RBFOX3: variants seen among roughly 807,000 people sequenced by gnomAD.
The protein encoded by RBFOX3 is RNA binding protein fox-1 homolog 3.
A neutral mutation model predicts 48.7 loss-of-function variants in RBFOX3; 17 were observed. That is an observed-to-expected ratio of 0.35 (90% CI 0.24 to 0.52). The LOEUF is 0.52. Ranked by LOEUF, RBFOX3 falls within the 20% of genes least tolerant of loss-of-function variation. RBFOX3 has a pLI of 0.94. For synonymous variants in RBFOX3, 212 were observed against 209.5 expected, an observed-to-expected ratio of 1.01 and a Z score of -0.10; for missense variants, 382 against 497.5, an observed-to-expected ratio of 0.77 and a Z score of 2.21.
chr17:79,326,352 C>T (rs2079322580), intron 2 of RBFOX3, among the ~76,000 whole-genome samples: 1 of 152,178 alleles, frequency 6.6e-6, no homozygotes, highest in Non-Finnish European at 1.5e-5. Flanking sequence ...GATTTACTGA[C>T]AACCCAGGAT....
chr17:79,532,164 G>A (rs1296281183), intron 1 of RBFOX3, among the ~76,000 whole-genome samples: 26 of 152,250 alleles, frequency 1.7e-4, no homozygotes, highest in African/African-American at 5.3e-4. Context: ...AGTTGTCCTC[G>A]GGGCAAATGA....
intron 4 of RBFOX3, among the ~76,000 whole-genome samples, chr17:79,184,787 G>A (rs2053058787): frequency 6.6e-6 from 1 of 152,264 alleles, no homozygotes; most frequent in Non-Finnish European, 1.5e-5. Context: ...AGGCAGGCCT[G>A]GGGCCGCCTG....
intron 3 of RBFOX3, among the ~76,000 whole-genome samples, chr17:79,284,085 T>A (rs4789881): frequency 0.012 from 194 of 16,664 alleles, 5 homozygotes; most frequent in African/African-American, 0.034. Flanking sequence ...GACCATCGTA[T>A]CATTTGCCTG....
At chr17:79,263,502 C>T (rs527448843) in intron 3 of RBFOX3, among the ~76,000 whole-genome samples, 8 of 152,304 alleles carry the variant, frequency 5.3e-5, no homozygotes, top group Admixed American at 1.3e-4. Context: ...GGGAGAGTCC[C>T]GTGCTGCTCG....
At chr17:79,161,306 G>C (rs1206856578) in intron 4 of RBFOX3, among the ~76,000 whole-genome samples, 2 of 152,180 alleles carry the variant, frequency 1.3e-5, no homozygotes, top group Non-Finnish European at 2.9e-5. Flanking sequence ...GGTTGGAGAA[G>C]GGATGCTGAG....
intron 2 of RBFOX3, among the ~76,000 whole-genome samples, chr17:79,444,939 A>AT (rs1555737266): frequency 6.6e-6 from 1 of 152,158 alleles, no homozygotes; most frequent in African/African-American, 2.4e-5. Context: ...GTCACTGCCC[A>AT]TCCCCAACCA....
At chr17:79,597,377 T>C (rs1487988332) in intron 1 of RBFOX3, among the ~76,000 whole-genome samples, 2 of 152,000 alleles carry the variant, frequency 1.3e-5, no homozygotes, top group Non-Finnish European at 2.9e-5. Flanking sequence ...TACAGACTTG[T>C]AGAAGGGCTT....
intron 4 of RBFOX3, among the ~76,000 whole-genome samples, chr17:79,184,984 G>A (rs1183615736): frequency 6.6e-6 from 1 of 152,208 alleles, no homozygotes; most frequent in Non-Finnish European, 1.5e-5. Context: ...GAGGAAGAGG[G>A]AACAAGGAAG....
At chr17:79,558,242 C>T (rs2091924733) in intron 1 of RBFOX3, among the ~76,000 whole-genome samples, 1 of 152,132 alleles carries the variant, frequency 6.6e-6, no homozygotes, top group Admixed American at 6.5e-5. Context: ...CCTGGGTGGC[C>T]GCCTTTGCTC....
At position 79,106,672 on chromosome 17, in the gene RBFOX3, G is replaced by A. The variant is rs758551578; in HGVS notation, c.339C>T (p.Pro113=). 4.0e-6 allele frequency: 6 copies of A among 1,483,912 alleles called. No homozygotes were observed. Among genetic ancestry groups the A allele is most frequent in the African/African-American group, 2.9e-5 (2 of 68,042 alleles). The allele number at this position is 1,483,912 out of a possible 1,614,324, so 91.9% of individuals were successfully genotyped here. A position where few individuals can be genotyped will look rare whatever the true frequency, so the allele number is the denominator to read the frequency against. ...VSNIPFRFRD[P]DLRQMFGQFG... ...TCACCCCGAACATTTGCCGCAAGTC[G>A]GGGTCCCTGAACCGGAAGGGGATGT... Residue 113 remains proline (P), a synonymous_variant, in exon 6 of 15, where the codon CCC becomes CCT. Coordinates refer to ENST00000693108, the MANE Select transcript of RBFOX3 (RefSeq NM_001350451.2).
At chr17:79,530,488 G>A (rs2087569160) in intron 1 of RBFOX3, among the ~76,000 whole-genome samples, 1 of 152,104 alleles carries the variant, frequency 6.6e-6, no homozygotes, top group African/African-American at 2.4e-5. Flanking sequence ...AGCTCACCCG[G>A]GGCCAACTGA....
the RBFOX3 span, among the ~76,000 whole-genome samples, chr17:79,632,580 C>A: frequency 6.6e-6 from 1 of 152,064 alleles, no homozygotes; most frequent in East Asian, 1.9e-4. Flanking sequence ...GAAGCCAGTG[C>A]TCTTCCCTGG....
intron 1 of RBFOX3, among the ~76,000 whole-genome samples, chr17:79,515,341 G>A (rs1265003883): frequency 1.3e-5 from 2 of 152,232 alleles, no homozygotes; most frequent in East Asian, 3.9e-4. Flanking sequence ...ATGGCCCAGG[G>A]CCCAGTGATC....
intron 5 of RBFOX3, among the ~76,000 whole-genome samples, chr17:79,109,868 G>C (rs376252267): frequency 5.7e-4 from 87 of 152,320 alleles, no homozygotes; most frequent in Middle Eastern, 3.4e-3. Flanking sequence ...CGGGAGGAAG[G>C]GGGTGATGGG....
intron 2 of RBFOX3, among the ~76,000 whole-genome samples, chr17:79,414,357 A>G (rs1285439147): frequency 1.3e-5 from 2 of 152,106 alleles, no homozygotes; most frequent in African/African-American, 4.8e-5. Context: ...GTTCCTTCAC[A>G]CCACATTATT....
At chr17:79,579,988 G>A (rs2093001153) in intron 1 of RBFOX3, among the ~76,000 whole-genome samples, 1 of 151,814 alleles carries the variant, frequency 6.6e-6, no homozygotes, top group South Asian at 2.1e-4. Context: ...GTCACTGGCT[G>A]CCATTCACCC....
intron 4 of RBFOX3, among the ~76,000 whole-genome samples, chr17:79,197,257 T>C (rs2055802265): frequency 6.6e-6 from 1 of 152,252 alleles, no homozygotes; most frequent in African/African-American, 2.4e-5. Context: ...CTCTTCTCTG[T>C]GTCTCCCGCT....
chr17:79,148,481 A>G (rs2043548833), intron 4 of RBFOX3, among the ~76,000 whole-genome samples: 1 of 152,060 alleles, frequency 6.6e-6, no homozygotes, highest in African/African-American at 2.4e-5. Flanking sequence ...CCACAGGAGG[A>G]GGGAGAAGCA....
At chr17:79,338,237 C>A (rs1459032854) in intron 2 of RBFOX3, among the ~76,000 whole-genome samples, 1 of 152,126 alleles carries the variant, frequency 6.6e-6, no homozygotes, top group Non-Finnish European at 1.5e-5. Flanking sequence ...CCGCGCCTGG[C>A]CTTCTCCAGA....
Sources: gnomAD v4.1 joint callset for allele counts (sites outside exome capture counted in the v4.1 genomes callset) on GRCh38, gnomAD v4.1.1 for gene constraint, MANE v1.5 for transcripts, NCBI Gene and HGNC (gene_info 2026-07-23, HGNC 2026-07-21) for gene names.